Variants in ZAN observed in about 807,000 individuals in gnomAD.
The protein encoded by ZAN is zonadhesin.
A neutral mutation model predicts 286.2 loss-of-function variants in ZAN; 260 were observed. The observed-to-expected ratio is 0.91, with a 90% confidence interval of 0.82 to 1.01. ZAN has a LOEUF of 1.01. Among genes scored for constraint, ZAN ranks in the 50% least tolerant of loss-of-function variants. The pLI, the probability that ZAN is intolerant of heterozygous loss-of-function variation, is 0.00. For missense variants in ZAN, 3,410 were observed against 3,639.2 expected, an observed-to-expected ratio of 0.94 and a Z score of 1.62; for synonymous variants, 1,368 against 1,417.5, an observed-to-expected ratio of 0.97 and a Z score of 0.79.
intron 45 of ZAN, among the ~76,000 whole-genome samples, chr7:100,796,644 G>A (rs889252055): frequency 3.3e-5 from 5 of 152,166 alleles, no homozygotes; most frequent in African/African-American, 1.2e-4. Context: ...TGAAACTCCT[G>A]ACCTCAGGTG....
chr7:100,745,004 C>G (rs1447824724), intron 7 of ZAN, among the ~76,000 whole-genome samples: 3 of 151,456 alleles, frequency 2.0e-5, no homozygotes, highest in Admixed American at 6.6e-5. Flanking sequence ...CTGCCTCAGC[C>G]TCCCGAGTAG....
chr7:100,794,009 C>G lies in ZAN; in HGVS notation c.7977C>G (p.Ile2659Met). ...LADCGCTSNG[I>M]YYQLGSSFLT... ...ACTGTGGCTGCACCAGCAATGGCAT[C>G]TACTACCAGGTCTGAGCTGGCAGCA... The change falls in exon 43 of 48, where the codon ATC becomes ATG. Residue 2659 changes from isoleucine to methionine, a missense_variant. Coordinates refer to ENST00000613979, the MANE Select transcript of ZAN (RefSeq NM_003386.3). The G allele has an allele frequency of 1.2e-6, 2 of 1,613,402 alleles. No homozygotes were observed. The highest frequency in any genetic ancestry group is 1.3e-5 in the African/African-American group (1 of 75,058).
At chr7:100,772,543 C>T (rs981120435) in intron 29 of ZAN, among the ~76,000 whole-genome samples, 3 of 152,010 alleles carry the variant, frequency 2.0e-5, no homozygotes, top group African/African-American at 7.2e-5. Context: ...AAATTGTTGC[C>T]GGGCGCGGTG....
At chr7:100,746,759 G>A (rs985107460) in intron 8 of ZAN, 57 bp downstream of exon 8, 1 of 1,580,388 alleles carries the variant, frequency 6.3e-7, no homozygotes, top group South Asian at 1.1e-5. Flanking sequence ...CCCAGGGTTG[G>A]CTTGATGGGG....
Position 100,763,889 on chromosome 7 carries a change from G to C in ZAN, c.4070G>C (p.Arg1357Pro). Residue 1357 changes from arginine to proline, a missense_variant, in exon 21 of 48, where the codon CGG becomes CCG. Transcript: ENST00000613979. This position sits in a 1 kb window ranked among gnomAD's most constrained non-coding sequence, Gnocchi z 4.6. Reference protein sequence around the residue: ...SSMSGPGFCGRLVDTHGPFET... With the variant: ...SSMSGPGFCGPLVDTHGPFET... ...ATGTCGGGGCCAGGGTTCTGTGGAC[G>C]GCTGGTCGACACTCATGGCCCATTT... is the stretch of plus-strand genomic sequence containing the variant. The C allele has an allele frequency of 1.2e-6, 2 of 1,613,998 alleles. No homozygotes were observed. Among genetic ancestry groups the C allele is most frequent in the East Asian group, 2.2e-5 (1 of 44,886 alleles).
chr7:100,750,446 T>C (rs1476604018), intron 11 of ZAN, among the ~76,000 whole-genome samples, 179 bp from the exon 12 acceptor site: 1 of 152,176 alleles, frequency 6.6e-6, no homozygotes, highest in African/African-American at 2.4e-5. Flanking sequence ...CTTTTCCCTT[T>C]CTTTGTGATC....
At chr7:100,753,832 T>TAAAAAA (rs59347418) in intron 14 of ZAN, among the ~76,000 whole-genome samples, 17 of 73,118 alleles carry the variant, frequency 2.3e-4, no homozygotes, top group South Asian at 5.0e-4. Context: ...GACATCGTCC[T>TAAAAAA]AAAAAAAAAA....
chr7:100,751,690 G>C (rs1300936970), intron 13 of ZAN, 22 bp from the exon 14 acceptor site: 5 of 1,561,692 alleles, frequency 3.2e-6, no homozygotes, highest in Middle Eastern at 1.7e-4. Flanking sequence ...TAAACTCCAG[G>C]GATTCTTATT....
rs758391349 is a variant in ZAN at position 100,755,374 on chromosome 7, T to A, written c.3273T>A (p.Ser1091=). ...LFSDNHCIQA[S]SCNCFYNNDY... ...GTGACAACCACTGCATCCAGGCCTC[T>A]TCCTGCAATTGCTTCTACAACAACG... The change falls in exon 15 of 48, where the codon TCT becomes TCA. Residue 1091 remains serine, a synonymous_variant. Coordinates refer to ENST00000613979, the MANE Select transcript of ZAN (RefSeq NM_003386.3). The A allele has an allele frequency of 2.5e-6, 4 of 1,613,514 alleles. No individual in the cohort carries two copies. In the African/African-American group the frequency reaches 4.0e-5, roughly 16 times the overall value.
chr7:100,742,246 T>G (rs527354589), intron 7 of ZAN, among the ~76,000 whole-genome samples: 1 of 116,480 alleles, frequency 8.6e-6, no homozygotes, highest in Admixed American at 8.2e-5. Flanking sequence ...GGGGCAGAGG[T>G]GCTCCCCACA....
chr7:100,757,789 A>G (rs2115916429), intron 15 of ZAN, among the ~76,000 whole-genome samples: 1 of 137,500 alleles, frequency 7.3e-6, no homozygotes, highest in East Asian at 2.3e-4. Context: ...ACAGACAGAC[A>G]TAAGGCTGGG....
intron 37 of ZAN, 102 bp downstream of exon 37, chr7:100,786,243 A>G (rs947162772): frequency 1.3e-6 from 2 of 1,515,414 alleles, no homozygotes; most frequent in African/African-American, 2.7e-5. Context: ...GAACCCCAGC[A>G]CAGTCAGGGG....
Position 100,760,445 on chromosome 7 carries a change from G to A in ZAN, c.3751G>A (p.Gly1251Ser), listed in dbSNP as rs1315992044. ...CATACCCTCTAAAGGCGTCTTCCTG[G>A]GTGCAAGCGGGCGGTTTGTGGAGCT... ...PAIPSKGVFLGASGRFVELQT... is the reference protein window; with the variant it reads ...PAIPSKGVFLSASGRFVELQT... Residue 1251 changes from glycine to serine, a missense_variant, in exon 19 of 48, where the codon GGT becomes AGT. Physicochemically the swap from Gly to Ser is moderately conservative, Grantham distance 56. This residue lies in a region of ZAN where 1,042 missense variants were observed against 1,058.0 expected (regional missense o/e 0.98). Coordinates refer to ENST00000613979, the MANE Select transcript of ZAN (RefSeq NM_003386.3). 1 of 1,613,800 alleles carries A rather than the reference G, an allele frequency of 6.2e-7. No homozygotes were observed. The highest frequency in any genetic ancestry group is 2.2e-5 in the East Asian group (1 of 44,898).
intron 28 of ZAN, 93 bp downstream of exon 28, chr7:100,770,067 A>T: frequency 7.9e-7 from 1 of 1,265,228 alleles, no homozygotes; most frequent in South Asian, 1.4e-5. Flanking sequence ...ACAAGACCAG[A>T]AACAGATGGA....
intron 40 of ZAN, among the ~76,000 whole-genome samples, chr7:100,791,384 C>T (rs1266755191): frequency 1.3e-5 from 2 of 151,794 alleles, no homozygotes; most frequent in Admixed American, 6.6e-5. Flanking sequence ...CCTCCTCTTC[C>T]TCCTCCTTCT....
At position 100,791,067 on chromosome 7, in the gene ZAN, A is replaced by G; in HGVS notation, c.7483A>G (p.Asn2495Asp). The G allele has an allele frequency of 1.2e-6, 2 of 1,613,174 alleles. No homozygotes were observed. The highest frequency in any genetic ancestry group is 2.2e-5 in the South Asian group (2 of 90,848). The part of the protein sequence containing the change: ...ALTQNLNTFG[N>D]SWEVKTEDAL... ...GACCCAGAACCTCAACACCTTTGGC[A>G]ACAGCTGGGAGGTGAAGACCGAGGA... The change falls in exon 40 of 48, where the codon AAC becomes GAC. Residue 2495 changes from asparagine to aspartate, a missense_variant. Coordinates refer to ENST00000613979, the MANE Select transcript of ZAN (RefSeq NM_003386.3).
chr7:100,755,415 G>GC lies in ZAN; in HGVS notation c.3309+11dup, dbSNP rs748764085. The GC allele has an allele frequency of 5.0e-6, 8 of 1,611,838 alleles. No individual in the cohort carries two copies. In the East Asian group the frequency reaches 1.3e-4, roughly 27 times the overall value. ...TACAACAACGACTACTATGAGGTAA[G>GC]CCCCCCGGGATGCTGGGGTCCCATG... On this transcript the variant is annotated splice_donor_region_variant and intron_variant, in intron 15 of 47. Transcript: ENST00000613979.
rs376128875 is a variant in ZAN at position 100,766,530 on chromosome 7, G to C, written c.4476G>C (p.Gly1492=). The C allele has an allele frequency of 3.8e-5, 59 of 1,549,932 alleles. No homozygotes were observed. The African/African-American group carries it at 7.7e-4, about 20-fold the overall frequency. ...LHPAGSYFKV[G]ERWYKPGCKE... is the part of the protein sequence containing the mutation. The stretch of plus-strand genomic sequence containing the variant: ...TTCCCTGCTGTCTTCCCCAGGTAGG[G>C]GAGCGGTGGTACAAGCCAGGCTGCA... The change falls in exon 24 of 48, where the codon GGG becomes GGC. Residue 1492 remains glycine, a synonymous_variant. Coordinates refer to ENST00000613979, the MANE Select transcript of ZAN (RefSeq NM_003386.3).
intron 31 of ZAN, among the ~76,000 whole-genome samples, chr7:100,774,848 C>G (rs1041500073): frequency 6.6e-6 from 1 of 150,908 alleles, no homozygotes; most frequent in Non-Finnish European, 1.5e-5. Flanking sequence ...AAAAAAAATC[C>G]TTCCTCCAAA....
Sources: gnomAD v4.1 joint callset for allele counts (sites outside exome capture counted in the v4.1 genomes callset) on GRCh38, gnomAD v4.1.1 for gene constraint, gnomAD v4.1.1 regional missense constraint, Gnocchi (gnomAD v3.1) non-coding constraint, MANE v1.5 for transcripts, NCBI Gene and HGNC (gene_info 2026-07-23, HGNC 2026-07-21) for gene names.